The following FHIT variants were observed in gnomAD, a reference collection of about 807,000 sequenced individuals.
FHIT encodes bis(5'-adenosyl)-triphosphatase.
A neutral mutation model predicts 17.9 loss-of-function variants in FHIT; 19 were observed. The ratio of observed to expected loss-of-function variants is 1.06; its 90% confidence interval spans 0.74 to 1.56. The LOEUF is 1.56. Among genes scored for constraint, FHIT ranks in the 40% most tolerant of loss-of-function variants. The pLI, the probability that FHIT is intolerant of heterozygous loss-of-function variation, is 0.00. For missense variants in FHIT, 248 were observed against 189.2 expected, an observed-to-expected ratio of 1.31 and a Z score of -1.82; for synonymous variants, 81 against 69.7, an observed-to-expected ratio of 1.16 and a Z score of -0.81.
intron 7 of FHIT, among the ~76,000 whole-genome samples, chr3:59,952,901 A>G (rs1707192739): frequency 6.6e-6 from 1 of 152,058 alleles, no homozygotes; most frequent in South Asian, 2.1e-4. Context: ...AGAGGAGACT[A>G]GCCACTCTGA....
At chr3:60,861,525 C>G (rs1703893778) in intron 3 of FHIT, among the ~76,000 whole-genome samples, 1 of 151,600 alleles carries the variant, frequency 6.6e-6, no homozygotes, top group Non-Finnish European at 1.5e-5. Context: ...CAAATGTCAC[C>G]TGCAAAATCG....
intron 2 of FHIT, among the ~76,000 whole-genome samples, chr3:61,160,917 T>C (rs932872441): frequency 2.6e-5 from 4 of 152,170 alleles, no homozygotes; most frequent in African/African-American, 9.6e-5. Context: ...CTATTCAATC[T>C]AAAAAAGGCT....
intron 5 of FHIT, among the ~76,000 whole-genome samples, chr3:60,096,195 C>G: frequency 6.6e-6 from 1 of 152,104 alleles, no homozygotes. Context: ...TGCGCCCCAG[C>G]AGAATGAGGA....
In FHIT at chr3:60,269,892, G is replaced by A. The variant is rs138273054; in HGVS notation, c.104-255740C>T. On this transcript the variant is annotated intron_variant, in intron 5 of 9. Coordinates refer to ENST00000492590, the MANE Select transcript of FHIT (RefSeq NM_002012.4). The stretch of plus-strand genomic sequence containing the variant: ...AAAAAATGGGGAGTTACACCCCTAT[G>A]GGTGAACATTTGCTGACCTTGTAAT... 8.1e-4 allele frequency among the ~76,000 whole-genome samples: 123 copies of A among 152,324 alleles called. 4 individuals carry two copies. In the East Asian group the frequency reaches 0.02, roughly 25 times the overall value.
At chr3:61,134,087 T>TCACACA (rs1213911703) in intron 2 of FHIT, among the ~76,000 whole-genome samples, 1 of 42,562 alleles carries the variant, frequency 2.3e-5, no homozygotes, top group African/African-American at 1.0e-4. Context: ...AGACTCTGTC[T>TCACACA]CACACACACA....
intron 3 of FHIT, among the ~76,000 whole-genome samples, chr3:60,930,660 A>G (rs1369199346): frequency 6.6e-6 from 1 of 152,208 alleles, no homozygotes; most frequent in African/African-American, 2.4e-5. Flanking sequence ...CAAAACCACA[A>G]TGAGATACCA....
chr3:60,087,341 C>T (rs1294700651), intron 5 of FHIT, among the ~76,000 whole-genome samples: 1 of 152,190 alleles, frequency 6.6e-6, no homozygotes, highest in Non-Finnish European at 1.5e-5. Context: ...TGACTACTAG[C>T]ACCTGGCTCC....
chr3:59,937,427 G>A (rs115380294), intron 7 of FHIT, among the ~76,000 whole-genome samples: 568 of 152,274 alleles, frequency 3.7e-3, no homozygotes, highest in African/African-American at 0.013. Context: ...ACATGTCAGC[G>A]TGCTTTATTG....
At chr3:60,725,135 G>T (rs566682425) in intron 4 of FHIT, among the ~76,000 whole-genome samples, 4 of 152,072 alleles carry the variant, frequency 2.6e-5, no homozygotes, top group Non-Finnish European at 5.9e-5. Flanking sequence ...TGGGCTATTT[G>T]TCTTTTTATT....
intron 5 of FHIT, among the ~76,000 whole-genome samples, chr3:60,502,811 T>C (rs527427399): frequency 6.6e-6 from 1 of 152,204 alleles, no homozygotes; most frequent in East Asian, 1.9e-4. Flanking sequence ...GTGAAGTATA[T>C]ATCAAAAATG....
At chr3:59,916,486 T>G (rs1007881852) in intron 8 of FHIT, among the ~76,000 whole-genome samples, 2 of 152,198 alleles carry the variant, frequency 1.3e-5, no homozygotes, top group Admixed American at 1.3e-4. Flanking sequence ...CATATATACA[T>G]CTATCCTACT....
intron 4 of FHIT, among the ~76,000 whole-genome samples, chr3:60,674,723 G>C (rs1241968673): frequency 6.6e-6 from 1 of 152,134 alleles, no homozygotes; most frequent in Non-Finnish European, 1.5e-5. Context: ...TGCCCTCTCA[G>C]ACTAAGAATT....
chr3:59,869,339 A>ACC (rs1194105012), intron 8 of FHIT, among the ~76,000 whole-genome samples: 21 of 152,118 alleles, frequency 1.4e-4, no homozygotes, highest in Non-Finnish European at 2.9e-4. Flanking sequence ...AAATTCTGTA[A>ACC]CCATTACCTT....
At chr3:60,699,186 T>A (rs2041182717) in intron 4 of FHIT, among the ~76,000 whole-genome samples, 1 of 152,158 alleles carries the variant, frequency 6.6e-6, no homozygotes, top group African/African-American at 2.4e-5. Flanking sequence ...TTTACAGCTT[T>A]TTCCACTACT....
intron 5 of FHIT, among the ~76,000 whole-genome samples, chr3:60,089,795 C>A (rs573805610): frequency 3.9e-5 from 6 of 152,074 alleles, no homozygotes; most frequent in Non-Finnish European, 7.4e-5. Context: ...GCAGCTCCTT[C>A]GGAGGAAACA....
chr3:61,205,140 AG>A (rs753484823), intron 1 of FHIT, among the ~76,000 whole-genome samples: 19 of 152,194 alleles, frequency 1.2e-4, no homozygotes, highest in Non-Finnish European at 2.2e-4. Flanking sequence ...GTCCCTACAA[AG>A]GACATGAACT....
intron 5 of FHIT, among the ~76,000 whole-genome samples, chr3:60,084,449 C>A (rs1027160892): frequency 6.6e-6 from 1 of 151,994 alleles, no homozygotes; most frequent in Non-Finnish European, 1.5e-5. Flanking sequence ...CCAGACCCTA[C>A]GCTATGTGTG....
chr3:60,850,107 CA>C (rs1553747799), intron 3 of FHIT, among the ~76,000 whole-genome samples: 1 of 152,024 alleles, frequency 6.6e-6, no homozygotes, highest in African/African-American at 2.4e-5. Flanking sequence ...AATTCTTAAG[CA>C]TGCTATTTGC....
At chr3:60,756,882 T>C (rs1553718418) in intron 4 of FHIT, among the ~76,000 whole-genome samples, 1 of 152,154 alleles carries the variant, frequency 6.6e-6, no homozygotes, top group African/African-American at 2.4e-5. Flanking sequence ...TAACTTCCAA[T>C]AAGTCACCCA....
Sources: allele counts gnomAD v4.1 joint callset (sites outside exome capture counted in the v4.1 genomes callset), GRCh38; gene constraint gnomAD v4.1.1; transcripts MANE v1.5; gene names NCBI Gene and HGNC (gene_info 2026-07-23, HGNC 2026-07-21).